Variants in KRT72 observed in about 807,000 individuals in gnomAD.
KRT72 encodes the protein keratin 72.
In KRT72, 44 loss-of-function variants were observed where a neutral mutation model predicts 44.7. That is an observed-to-expected ratio of 0.98 (90% confidence interval 0.77 to 1.27). The LOEUF (loss-of-function observed/expected upper bound fraction) is 1.27, where lower values mean the gene tolerates loss of function less well. KRT72 is among the 50% of genes most tolerant of loss of function. The probability of loss-of-function intolerance (pLI) is 0.00; values close to 1 mark genes in which losing one functional copy is unlikely to be tolerated. For missense variants in KRT72, 736 were observed against 667.1 expected (o/e 1.10, Z -1.14); for synonymous variants, 302 against 280.4 (o/e 1.08, Z -0.77).
intron 2 of KRT72, 138 bp from the exon 3 acceptor site, chr12:52,593,090 G>C (rs565954091): frequency 4.6e-6 from 3 of 654,850 alleles, no homozygotes; most frequent in Non-Finnish European, 2.5e-6. Flanking sequence ...ACATAACCTT[G>C]CTTAAGAGGA....
intron 1 of KRT72, among the ~76,000 whole-genome samples, chr12:52,600,231 C>T (rs1201642704): frequency 6.6e-6 from 1 of 152,168 alleles, no homozygotes; most frequent in Non-Finnish European, 1.5e-5. Flanking sequence ...ATCTTCCTGG[C>T]TACACACTTA....
intron 1 of KRT72, among the ~76,000 whole-genome samples, chr12:52,600,719 A>G (rs945347180): frequency 7.0e-6 from 1 of 143,602 alleles, no homozygotes; most frequent in African/African-American, 2.5e-5. Flanking sequence ...TGTAAGTCCA[A>G]TGAAACCTCT....
intron 2 of KRT72, among the ~76,000 whole-genome samples, chr12:52,596,643 C>A (rs532532376): frequency 1.7e-4 from 26 of 151,946 alleles, no homozygotes; most frequent in African/African-American, 5.3e-4. Context: ...CCTCTGCCTC[C>A]CAGGTTCAAG....
Position 52,592,515 on chromosome 12 carries a change from C to T in KRT72, c.703-24G>A, listed in dbSNP as rs369263271. The T allele has an allele frequency of 2.6e-4, 411 of 1,593,410 alleles. 6 individuals are homozygous for T. The South Asian group carries it at 4.0e-3, about 15-fold the overall frequency. On this transcript the variant is annotated intron_variant, in intron 3 of 8. Coordinates refer to ENST00000293745, the MANE Select transcript of KRT72 (RefSeq NM_080747.3). ...TCCTGGGAGCACATGATAGTCAAGC[C>T]GCCCTGAGAGGGCCTCCCCTGCCCA...
intron 1 of KRT72, 106 bp from the exon 2 acceptor site, chr12:52,599,218 T>C (rs1592233863): frequency 2.9e-6 from 3 of 1,052,438 alleles, no homozygotes; most frequent in African/African-American, 1.6e-5. Flanking sequence ...GGACTGGGGG[T>C]AGGAGAAAAC....
chr12:52,598,695 G>A (rs1484257788), intron 2 of KRT72, among the ~76,000 whole-genome samples: 1 of 152,130 alleles, frequency 6.6e-6, no homozygotes, highest in Non-Finnish European at 1.5e-5. Context: ...TTCATTTTCA[G>A]TGCTAGAAAT....
intron 5 of KRT72, 29 bp from the exon 6 acceptor site, chr12:52,590,990 C>A: frequency 1.3e-6 from 2 of 1,564,306 alleles, no homozygotes; most frequent in Admixed American, 1.7e-5. Context: ...AGAAGAGGAA[C>A]ACAAGGATCC....
At chr12:52,591,724 C>T (rs553710545) in intron 4 of KRT72, 96 bp from the exon 5 acceptor site, 22 of 1,251,006 alleles carry the variant, frequency 1.8e-5, no homozygotes, top group Admixed American at 4.0e-5. Flanking sequence ...TGTCCCTCTG[C>T]CTTTCCTCAG....
In KRT72 at chr12:52,590,838, G is replaced by T; in HGVS notation, c.1087C>A (p.Gln363Lys). The T allele has an allele frequency of 6.4e-7, 1 of 1,572,024 alleles. No individual in the cohort carries two copies. The highest frequency in any genetic ancestry group is 8.7e-7 in the Non-Finnish European group (1 of 1,151,030). Residue 363 changes from glutamine (Q) to lysine (K), a missense_variant and splice_region_variant, in exon 6 of 9, where the codon CAG becomes AAG. Gln to Lys is a moderately conservative substitution (Grantham distance 53). Coordinates refer to ENST00000293745, the MANE Select transcript of KRT72 (RefSeq NM_080747.3). ...TGGATTAATTTCATAGAACCCACCTGCTTCTTCACATTCCCTATCTCTGAG... is the reference window on the plus strand; with the variant it reads ...TGGATTAATTTCATAGAACCCACCTTCTTCTTCACATTCCCTATCTCTGAG... ...IRSEIGNVKK[Q>K]CADLETAIAD...
chr12:52,590,880 G>T lies in KRT72; in HGVS notation c.1045C>A (p.Leu349Met). The T allele has an allele frequency of 6.2e-7, 1 of 1,605,764 alleles. No individual in the cohort carries two copies. Residue 349 changes from leucine (L) to methionine (M), a missense_variant, in exon 6 of 9, where the codon CTG (leucine) becomes ATG (methionine). Transcript: ENST00000293745. ...ATCTCTGAGCGGATCCTCTGGATCA[G>T]GCGGTTGAGCTCAGAGATTTCAGCC... is the stretch of plus-strand genomic sequence containing the variant. The part of the protein sequence containing the change: ...TKAEISELNR[L>M]IQRIRSEIGN...
intron 2 of KRT72, among the ~76,000 whole-genome samples, chr12:52,596,275 T>C (rs1262929838): frequency 3.3e-5 from 5 of 152,160 alleles, no homozygotes; most frequent in Admixed American, 6.5e-5. Context: ...TAATTAAAGT[T>C]TCCCAGCACT....
chr12:52,598,868 C>T, intron 2 of KRT72, 30 bp downstream of exon 2: 1 of 1,600,566 alleles, frequency 6.2e-7, no homozygotes, highest in Non-Finnish European at 8.6e-7. Context: ...ATCAGATCCT[C>T]CAGGGCCATA....
intron 1 of KRT72, among the ~76,000 whole-genome samples, chr12:52,599,597 A>G (rs1940342114): frequency 6.6e-6 from 1 of 152,140 alleles, no homozygotes; most frequent in Admixed American, 6.5e-5. Context: ...CAGGGTGCAC[A>G]TTTTTAGACT....
Position 52,587,756 on chromosome 12 carries a change from G to A in KRT72, c.1185C>T (p.Ala395=), listed in dbSNP as rs1939833449. The A allele has an allele frequency of 2.5e-6, 4 of 1,614,032 alleles. No individual in the cohort carries two copies. Among genetic ancestry groups the A allele is most frequent in the Non-Finnish European group, 3.4e-6 (4 of 1,180,030 alleles). The stretch of plus-strand genomic sequence containing the variant: ...CCAGCTCCTCCTTGGCCTGGTGCAG[G>A]GCGCCCTCCAGCTCATCCAGCTTGG... ...ARAKLDELEG[A]LHQAKEELAR... Residue 395 remains alanine, a synonymous_variant, in exon 7 of 9, where the codon GCC becomes GCT. Transcript: ENST00000293745.
chr12:52,601,611 T>C, upstream of KRT72: 1 of 685,298 alleles, frequency 1.5e-6, no homozygotes, highest in Non-Finnish European at 2.4e-6. Flanking sequence ...CCTCTTGGGT[T>C]CTTCATGTAG....
intron 2 of KRT72, among the ~76,000 whole-genome samples, chr12:52,595,515 A>C (rs12298011): frequency 0.02 from 2,978 of 152,292 alleles, 98 homozygotes; most frequent in African/African-American, 0.069. Context: ...TTTTCTGATG[A>C]AAAGCAACTC....
intron 2 of KRT72, among the ~76,000 whole-genome samples, chr12:52,593,266 GAA>G (rs1300597287): frequency 4.6e-5 from 7 of 152,174 alleles, no homozygotes; most frequent in Non-Finnish European, 1.0e-4. Context: ...TAGCAGAGGT[GAA>G]AAGACACTCC....
Position 52,591,463 on chromosome 12 carries a change from C to T in KRT72, c.963+1G>A, listed in dbSNP as rs774646841. ...ACTCAGCACACCTGGCACCAGCTCACCTTGGTCTGGTACAGGGTCTCAGCC... is the reference window on the plus strand; with the variant it reads ...ACTCAGCACACCTGGCACCAGCTCATCTTGGTCTGGTACAGGGTCTCAGCC... On this transcript the variant is annotated splice_donor_variant, in intron 5 of 8. Transcript: ENST00000293745. LOFTEE classifies it high-confidence loss of function. 6.2e-7 allele frequency: 1 copy of T among 1,612,816 alleles called. No homozygotes were observed. Among genetic ancestry groups the T allele is most frequent in the African/African-American group, 1.3e-5 (1 of 74,918 alleles).
intron 6 of KRT72, among the ~76,000 whole-genome samples, chr12:52,589,257 G>A (rs1403531022): frequency 6.6e-6 from 1 of 152,142 alleles, no homozygotes; most frequent in African/African-American, 2.4e-5. Context: ...CTAGAATATT[G>A]TCCAGCTGCC....
Sources: gnomAD v4.1 joint callset for allele counts (sites outside exome capture counted in the v4.1 genomes callset) on GRCh38, gnomAD v4.1.1 for gene constraint, MANE v1.5 for transcripts, NCBI Gene and HGNC (gene_info 2026-07-23, HGNC 2026-07-21) for gene names.